CACNB4: variants seen among roughly 807,000 people sequenced by gnomAD.
The protein encoded by CACNB4 is voltage-dependent L-type calcium channel subunit beta-4.
In CACNB4, 32 loss-of-function variants were observed where a neutral mutation model predicts 71.2. That is an observed-to-expected ratio of 0.45 (90% CI 0.34 to 0.60). The LOEUF is 0.60. Among genes scored for constraint, CACNB4 ranks in the 20% least tolerant of loss-of-function variants. The pLI is 0.01. For synonymous variants in CACNB4, 231 were observed against 236.9 expected (o/e 0.97, Z 0.23); for missense variants, 464 against 647.9 (o/e 0.72, Z 3.08).
Position 152,004,747 on chromosome 2 carries a change from A to G in CACNB4, c.147+93583T>C, listed in dbSNP as rs115877416. ...CAGCACCACTTAGCTGGGCTGGACAATGGGGATAGGGGAGGAGTCAGAGGC... is the reference window on the plus strand; with the variant it reads ...CAGCACCACTTAGCTGGGCTGGACAGTGGGGATAGGGGAGGAGTCAGAGGC... On this transcript the variant is annotated intron_variant, in intron 2 of 13. Coordinates refer to ENST00000539935, the MANE Select transcript of CACNB4 (RefSeq NM_000726.5). Among the ~76,000 whole-genome samples, 1,251 of 152,268 alleles carry G rather than the reference A, an allele frequency of 8.2e-3. 16 individuals are homozygous for G. Among genetic ancestry groups the G allele is most frequent in the African/African-American group, 0.028 (1,174 of 41,544 alleles).
chr2:152,014,107 C>T (rs1316616839), intron 2 of CACNB4, among the ~76,000 whole-genome samples: 1 of 152,196 alleles, frequency 6.6e-6, no homozygotes, highest in East Asian at 1.9e-4. Flanking sequence ...CTTTGGGAGA[C>T]CGAGGCAGGA....
intron 2 of CACNB4, among the ~76,000 whole-genome samples, chr2:152,052,221 C>A (rs1169625950): frequency 6.6e-6 from 1 of 152,178 alleles, no homozygotes; most frequent in African/African-American, 2.4e-5. Context: ...TAACACGAAG[C>A]CTATTTTATA....
At chr2:151,880,725 G>C (rs1265169031) in intron 4 of CACNB4, 75 bp downstream of exon 4, 3 of 1,523,690 alleles carry the variant, frequency 2.0e-6, no homozygotes, top group East Asian at 2.4e-5. Flanking sequence ...CTCCTCTCTG[G>C]CTAGTTTGGC....
chr2:151,903,893 T>C (rs568751226), intron 2 of CACNB4, among the ~76,000 whole-genome samples: 2 of 152,314 alleles, frequency 1.3e-5, no homozygotes, highest in East Asian at 3.9e-4. Context: ...CAATAACTCC[T>C]CAAGGGCAGG....
At chr2:151,963,109 G>A (rs1248478041) in intron 2 of CACNB4, among the ~76,000 whole-genome samples, 2 of 151,888 alleles carry the variant, frequency 1.3e-5, no homozygotes, top group African/African-American at 2.4e-5. Flanking sequence ...TCAGGAGATC[G>A]AGACCATCCT....
At chr2:152,007,960 C>T (rs1281566393) in intron 2 of CACNB4, among the ~76,000 whole-genome samples, 1 of 151,864 alleles carries the variant, frequency 6.6e-6, no homozygotes. Flanking sequence ...TTAGTAGAGA[C>T]AGGGTTTCAC....
chr2:151,883,897 T>C (rs147208660), intron 2 of CACNB4: 254 of 199,822 alleles, frequency 1.3e-3, no homozygotes, highest in African/African-American at 5.7e-3. Context: ...ACTTCAATCA[T>C]TGTCCTGCAG....
At chr2:151,993,359 G>T (rs1408588316) in intron 2 of CACNB4, among the ~76,000 whole-genome samples, 1 of 152,144 alleles carries the variant, frequency 6.6e-6, no homozygotes, top group East Asian at 1.9e-4. Flanking sequence ...CAGGAGAAAT[G>T]ATATTCATGG....
intron 9 of CACNB4, chr2:151,867,774 C>T (rs770608): frequency 0.67 from 102,175 of 152,072 alleles, 37,242 homozygotes; most frequent in Non-Finnish European, 0.81. Context: ...ACCTCCAGGC[C>T]GGGCAAGCTG....
At chr2:152,003,517 G>A (rs1006340135) in intron 2 of CACNB4, among the ~76,000 whole-genome samples, 2 of 151,726 alleles carry the variant, frequency 1.3e-5, no homozygotes, top group Non-Finnish European at 2.9e-5. Flanking sequence ...AGCTCTTGAT[G>A]CGCTTATTAT....
At chr2:152,093,487 G>A (rs952378373) in intron 2 of CACNB4, among the ~76,000 whole-genome samples, 2 of 151,692 alleles carry the variant, frequency 1.3e-5, no homozygotes, top group Non-Finnish European at 1.5e-5. Context: ...TCAAAAGATA[G>A]TCTGTTTTCT....
chr2:151,920,344 C>G (rs191977261), intron 2 of CACNB4, among the ~76,000 whole-genome samples: 2 of 85,354 alleles, frequency 2.3e-5, no homozygotes, highest in Non-Finnish European at 4.2e-5. Context: ...TTTTTTGAGA[C>G]AGGTTCTTGC....
chr2:152,042,872 A>G (rs1459886598), intron 2 of CACNB4, among the ~76,000 whole-genome samples: 1 of 152,162 alleles, frequency 6.6e-6, no homozygotes, highest in Non-Finnish European at 1.5e-5. Flanking sequence ...GACCTTGCTG[A>G]TAAAACAGCA....
At chr2:151,851,400 T>G (rs984362842) in intron 12 of CACNB4, 2 of 152,198 alleles carry the variant, frequency 1.3e-5, no homozygotes, top group Non-Finnish European at 2.9e-5. Context: ...CCAGGTTATC[T>G]TACCAATTAT....
chr2:151,944,407 G>C (rs2099865065), intron 2 of CACNB4, among the ~76,000 whole-genome samples: 1 of 152,122 alleles, frequency 6.6e-6, no homozygotes, highest in African/African-American at 2.4e-5. Flanking sequence ...GGAGAATACA[G>C]TAGACAGAAA....
At chr2:151,959,733 GA>G (rs1321617500) in intron 2 of CACNB4, among the ~76,000 whole-genome samples, 10 of 151,880 alleles carry the variant, frequency 6.6e-5, no homozygotes, top group African/African-American at 2.4e-4. Flanking sequence ...AATGTGGGAG[GA>G]ACAATTTTTT....
chr2:151,874,645 C>T (rs181444261), intron 5 of CACNB4, among the ~76,000 whole-genome samples: 93 of 152,080 alleles, frequency 6.1e-4, no homozygotes, highest in African/African-American at 2.1e-3. Context: ...CAAAGGTAGG[C>T]GCCTAAAGAA....
chr2:152,091,260 A>G (rs1463212035), intron 2 of CACNB4, among the ~76,000 whole-genome samples: 2 of 152,228 alleles, frequency 1.3e-5, no homozygotes, highest in African/African-American at 4.8e-5. Context: ...GAGAAGATTC[A>G]TTGCACAAAA....
At chr2:151,884,582 C>T (rs186732830) in intron 2 of CACNB4, among the ~76,000 whole-genome samples, 2,503 of 139,314 alleles carry the variant, frequency 0.018, 66 homozygotes, top group African/African-American at 0.064. Context: ...TTGCAGTGAG[C>T]TGAGATTGCA....
Sources: allele counts gnomAD v4.1 joint callset (sites outside exome capture counted in the v4.1 genomes callset), GRCh38; gene constraint gnomAD v4.1.1; transcripts MANE v1.5; gene names NCBI Gene and HGNC (gene_info 2026-07-23, HGNC 2026-07-21).